The following LAMA4 variants were observed in gnomAD, a reference collection of about 807,000 sequenced individuals.
LAMA4 encodes the protein laminin subunit alpha-4.
In LAMA4, 127 loss-of-function variants were observed where a neutral mutation model predicts 207.1. That is an observed-to-expected ratio of 0.61 (90% CI 0.53 to 0.71). LAMA4 has a LOEUF of 0.71. LAMA4 is among the 30% of genes least tolerant of loss of function. The pLI, the probability that LAMA4 is intolerant of heterozygous loss-of-function variation, is 0.00. For synonymous variants in LAMA4, 761 were observed against 816.0 expected (o/e 0.93, Z 1.15); for missense variants, 2,093 against 2,246.5 (o/e 0.93, Z 1.38).
chr6:112,219,452 C>G (rs1424743331), intron 2 of LAMA4: 2 of 152,098 alleles, frequency 1.3e-5, no homozygotes, highest in African/African-American at 4.8e-5. Context: ...ACACTGAATC[C>G]TCTTTTCCAC....
At chr6:112,219,476 C>A (rs937865790) in intron 2 of LAMA4, 1 of 152,152 alleles carries the variant, frequency 6.6e-6, no homozygotes, top group Non-Finnish European at 1.5e-5. Context: ...AGAAGCCTGT[C>A]CTATACTAGA....
At chr6:112,121,736 C>T (rs1778371643) in intron 32 of LAMA4, 2 of 381,654 alleles carry the variant, frequency 5.2e-6, no homozygotes, top group African/African-American at 4.1e-5. Flanking sequence ...TCATTTGAAA[C>T]TTGCTCCATC....
chr6:112,188,092 C>T (rs1171466303), intron 7 of LAMA4, among the ~76,000 whole-genome samples: 1 of 152,174 alleles, frequency 6.6e-6, no homozygotes. Flanking sequence ...CCAGGGCCCT[C>T]CTGTGACACA....
intron 24 of LAMA4, among the ~76,000 whole-genome samples, chr6:112,137,602 T>A (rs1779430834): frequency 6.6e-6 from 1 of 152,246 alleles, no homozygotes; most frequent in Non-Finnish European, 1.5e-5. Flanking sequence ...GCTTCTAGCC[T>A]ATTGCAATTT....
chr6:112,165,334 G>T, intron 12 of LAMA4, 58 bp from the exon 13 acceptor site: 1 of 1,123,050 alleles, frequency 8.9e-7, no homozygotes, highest in South Asian at 1.2e-5. Flanking sequence ...GAAAGCGTTG[G>T]GGAGAGCAGT....
At chr6:112,250,241 A>G (rs1461130434) in intron 2 of LAMA4, among the ~76,000 whole-genome samples, 1 of 152,234 alleles carries the variant, frequency 6.6e-6, no homozygotes, top group Non-Finnish European at 1.5e-5. Flanking sequence ...GCAAGTGACC[A>G]AGATAAGAAA....
At chr6:112,109,655 A>G in intron 38 of LAMA4, 73 bp from the exon 39 acceptor site, 1 of 1,434,434 alleles carries the variant, frequency 7.0e-7, no homozygotes, top group East Asian at 2.3e-5. Flanking sequence ...TTCCTGGTAA[A>G]AGTATACATA....
intron 32 of LAMA4, 72 bp downstream of exon 32, chr6:112,121,942 A>G: frequency 7.3e-7 from 1 of 1,374,212 alleles, no homozygotes; most frequent in East Asian, 2.3e-5. Flanking sequence ...GGAAAAAACG[A>G]TGACATGTGA....
Position 112,114,844 on chromosome 6 carries a change from A to G in LAMA4, c.5113-88T>C, listed in dbSNP as rs587648157. 8.5e-4 allele frequency: 782 copies of G among 918,136 alleles called. 3 individuals carry two copies. Among genetic ancestry groups the G allele is most frequent in the South Asian group, 1.7e-3 (128 of 74,192 alleles). The allele number at this position is 918,136 out of a possible 1,614,324, so 56.9% of individuals were successfully genotyped here. A position where few individuals can be genotyped will look rare whatever the true frequency, so the allele number is the denominator to read the frequency against. On this transcript the variant is annotated intron_variant, in intron 36 of 38. Transcript: ENST00000230538. The stretch of plus-strand genomic sequence containing the variant: ...TTAAATAATTTACCACAGTGAAGCA[A>G]TACTTCAACAAATATTCACACATGA...
At chr6:112,216,150 C>T (rs1331708781) in intron 3 of LAMA4, among the ~76,000 whole-genome samples, 4 of 152,186 alleles carry the variant, frequency 2.6e-5, no homozygotes, top group Non-Finnish European at 5.9e-5. Context: ...GCAGGAGCCT[C>T]CGGGTGCACG....
At chr6:112,201,976 C>T (rs1358345840) in intron 4 of LAMA4, among the ~76,000 whole-genome samples, 1 of 152,154 alleles carries the variant, frequency 6.6e-6, no homozygotes, top group Non-Finnish European at 1.5e-5. Flanking sequence ...TCAAATTCTA[C>T]CTGCAATTTT....
At chr6:112,153,688 G>A (rs1780531379) in intron 16 of LAMA4, among the ~76,000 whole-genome samples, 1 of 151,956 alleles carries the variant, frequency 6.6e-6, no homozygotes, top group African/African-American at 2.4e-5. Context: ...GCAATACATA[G>A]ATATAGCAAC....
intron 2 of LAMA4, among the ~76,000 whole-genome samples, chr6:112,225,059 T>A (rs782051991): frequency 7.9e-5 from 12 of 152,160 alleles, no homozygotes; most frequent in Non-Finnish European, 1.8e-4. Context: ...CTTAGCCCTC[T>A]TTTCTATCTA....
At chr6:112,109,856 T>G (rs905833006) in intron 38 of LAMA4, among the ~76,000 whole-genome samples, 2 of 152,186 alleles carry the variant, frequency 1.3e-5, no homozygotes, top group Non-Finnish European at 2.9e-5. Flanking sequence ...ACCACTTACA[T>G]GTAAAGCCTC....
chr6:112,146,452 G>A (rs1780035553), intron 18 of LAMA4, among the ~76,000 whole-genome samples: 1 of 152,152 alleles, frequency 6.6e-6, no homozygotes, highest in South Asian at 2.1e-4. Context: ...TGTCAGAAAT[G>A]CAAGTTCTTG....
intron 5 of LAMA4, among the ~76,000 whole-genome samples, chr6:112,197,655 G>A (rs1300875819): frequency 1.3e-5 from 2 of 152,172 alleles, no homozygotes; most frequent in African/African-American, 2.4e-5. Flanking sequence ...AATAATTGAT[G>A]TTGTCTTATA....
rs1562733361 is a variant in LAMA4, at chr6:112,207,072, C to T, written c.371G>A (p.Gly124Glu). 1.4e-5 allele frequency: 22 copies of T among 1,613,964 alleles called. No homozygotes were observed. Among genetic ancestry groups the T allele is most frequent in the Non-Finnish European group, 1.8e-5 (21 of 1,179,968 alleles). Residue 124 changes from glycine to glutamate, a missense_variant, in exon 4 of 39, where the codon GGA becomes GAA. Around this residue, in one of 3 missense-constraint regions of LAMA4, gnomAD observed 1,704 missense variants for 1,788.4 expected, o/e 0.95. Transcript: ENST00000230538. Reference protein sequence around the residue: ...LDGYIGDSIRGAPQFCQPCPC... With the variant: ...LDGYIGDSIREAPQFCQPCPC... ...GCACGGCTGGCAGAATTGGGGTGCT[C>T]CCCTGATGGAATCTCCGATATAACC... is the stretch of plus-strand genomic sequence containing the variant.
At chr6:112,159,394 CT>C in intron 13 of LAMA4, 1 of 161,404 alleles carries the variant, frequency 6.2e-6, no homozygotes, top group Non-Finnish European at 1.4e-5. Flanking sequence ...TTTCAGTTAC[CT>C]TTCAGGTGAC....
chr6:112,232,630 A>T (rs1785636260), intron 2 of LAMA4, among the ~76,000 whole-genome samples: 1 of 152,200 alleles, frequency 6.6e-6, no homozygotes, highest in South Asian at 2.1e-4. Context: ...TTGCCCCCAG[A>T]TAACTGTTGT....
Sources: allele counts gnomAD v4.1 joint callset (sites outside exome capture counted in the v4.1 genomes callset), GRCh38; gene constraint gnomAD v4.1.1; regional missense constraint gnomAD v4.1.1; transcripts MANE v1.5; gene names NCBI Gene and HGNC (gene_info 2026-07-23, HGNC 2026-07-21).